Variants in GRM3 observed in about 807,000 individuals in gnomAD.
GRM3 encodes glutamate metabotropic receptor 3, also known as metabotropic glutamate receptor 3.
GRM3 carries 26 observed loss-of-function variants against 70.5 expected under a neutral mutation model. The observed-to-expected ratio is 0.37, with a 90% CI of 0.27 to 0.51. The LOEUF (loss-of-function observed/expected upper bound fraction) is 0.51. Among genes scored for constraint, GRM3 ranks in the 20% least tolerant of loss-of-function variants. The probability of loss-of-function intolerance (pLI) is 0.93; values close to 1 mark genes in which losing one functional copy is unlikely to be tolerated. For missense variants in GRM3, 859 were observed against 1,123.8 expected, an observed-to-expected ratio of 0.76 and a Z score of 3.37; for synonymous variants, 443 against 434.9, an observed-to-expected ratio of 1.02 and a Z score of -0.23.
chr7:86,844,018 A>G (rs954468552), intron 4 of GRM3, among the ~76,000 whole-genome samples: 43 of 152,282 alleles, frequency 2.8e-4, no homozygotes, highest in Middle Eastern at 3.4e-3. Flanking sequence ...AGATGCTACT[A>G]GACTAAGGAC....
At chr7:86,693,748 T>C (rs955134295) in intron 1 of GRM3, among the ~76,000 whole-genome samples, 4 of 152,206 alleles carry the variant, frequency 2.6e-5, no homozygotes, top group African/African-American at 9.7e-5. Context: ...GCCGCTGTTA[T>C]AGAAACTCAA....
Position 86,722,223 on chromosome 7 carries a change from A to G in GRM3, c.-140-42783A>G, listed in dbSNP as rs188390798. Among the ~76,000 whole-genome samples, 234 of 152,166 alleles carry G rather than the reference A, an allele frequency of 1.5e-3. 2 individuals carry two copies. Among genetic ancestry groups the G allele is most frequent in the African/African-American group, 5.3e-3 (222 of 41,528 alleles). Reference sequence around the variant, plus strand: ...GAAAACTTTTTTTAAAAATTGAAATACCATTTGACCCAGCAATCCCATTAC... The same window carrying G: ...GAAAACTTTTTTTAAAAATTGAAATGCCATTTGACCCAGCAATCCCATTAC... On this transcript the variant is annotated intron_variant, in intron 1 of 5. Coordinates refer to ENST00000361669, the MANE Select transcript of GRM3 (RefSeq NM_000840.3).
chr7:86,818,293 G>A (rs1375612914), intron 3 of GRM3, among the ~76,000 whole-genome samples: 1 of 152,044 alleles, frequency 6.6e-6, no homozygotes, highest in East Asian at 1.9e-4. Flanking sequence ...ATGTGATAAT[G>A]ACTATAGTAC....
chr7:86,739,519 C>T (rs1795937803), intron 1 of GRM3, among the ~76,000 whole-genome samples: 1 of 152,162 alleles, frequency 6.6e-6, no homozygotes, highest in Non-Finnish European at 1.5e-5. Flanking sequence ...ACGGCCTTAC[C>T]TCTACCTGAA....
At chr7:86,741,564 G>A (rs1274047765) in intron 1 of GRM3, among the ~76,000 whole-genome samples, 1 of 152,174 alleles carries the variant, frequency 6.6e-6, no homozygotes, top group African/African-American at 2.4e-5. Flanking sequence ...GAAGAGCTGA[G>A]TGCCAGTTTC....
At chr7:86,797,573 G>A (rs1390991540) in intron 3 of GRM3, among the ~76,000 whole-genome samples, 1 of 152,144 alleles carries the variant, frequency 6.6e-6, no homozygotes, top group Non-Finnish European at 1.5e-5. Flanking sequence ...TATTGGAATT[G>A]GAACTTATGT....
At chr7:86,805,518 C>T (rs954664741) in intron 3 of GRM3, among the ~76,000 whole-genome samples, 2 of 152,140 alleles carry the variant, frequency 1.3e-5, no homozygotes, top group Non-Finnish European at 2.9e-5. Context: ...TGTAAAATAA[C>T]ATCCATTCAG....
chr7:86,666,141 G>A (rs1794020281), intron 1 of GRM3, among the ~76,000 whole-genome samples: 1 of 151,956 alleles, frequency 6.6e-6, no homozygotes, highest in South Asian at 2.1e-4. Flanking sequence ...ATCCTTTAGA[G>A]GTTTTAAGCT....
chr7:86,823,652 G>T, intron 3 of GRM3, among the ~76,000 whole-genome samples: 1 of 135,172 alleles, frequency 7.4e-6, no homozygotes, highest in Non-Finnish European at 1.5e-5. Flanking sequence ...ATAGGATTTA[G>T]TGCCCAAATC....
At chr7:86,753,033 A>G (rs1796265938) in intron 1 of GRM3, among the ~76,000 whole-genome samples, 1 of 152,046 alleles carries the variant, frequency 6.6e-6, no homozygotes, top group Non-Finnish European at 1.5e-5. Context: ...ACACTAAACA[A>G]TTCAGAATTT....
chr7:86,651,790 C>T (rs573434884), intron 1 of GRM3, among the ~76,000 whole-genome samples: 19 of 152,232 alleles, frequency 1.2e-4, no homozygotes, highest in East Asian at 5.8e-4. Context: ...TTGTTCAAGA[C>T]GTCCCCTTGA....
At chr7:86,817,313 C>A (rs1260045528) in intron 3 of GRM3, among the ~76,000 whole-genome samples, 1 of 151,868 alleles carries the variant, frequency 6.6e-6, no homozygotes, top group African/African-American at 2.4e-5. Flanking sequence ...AGCAAAAACA[C>A]CATTATCATC....
At chr7:86,842,902 T>A (rs1430391709) in intron 4 of GRM3, among the ~76,000 whole-genome samples, 5 of 152,102 alleles carry the variant, frequency 3.3e-5, no homozygotes, top group African/African-American at 1.2e-4. Context: ...GAAGATGGGA[T>A]TTTTACCCCG....
chr7:86,724,513 TA>T (rs1795547247), intron 1 of GRM3, among the ~76,000 whole-genome samples: 1 of 152,102 alleles, frequency 6.6e-6, no homozygotes, highest in Non-Finnish European at 1.5e-5. Context: ...TTTACAGTAA[TA>T]CGCTGGAGAA....
At chr7:86,742,227 C>T (rs1462294484) in intron 1 of GRM3, among the ~76,000 whole-genome samples, 2 of 152,236 alleles carry the variant, frequency 1.3e-5, no homozygotes, top group Admixed American at 6.6e-5. Flanking sequence ...CAAAGGTGAA[C>T]ATCTTTAGAA....
At chr7:86,790,258 T>A (rs1432331247) in intron 3 of GRM3, among the ~76,000 whole-genome samples, 1 of 152,110 alleles carries the variant, frequency 6.6e-6, no homozygotes, top group Non-Finnish European at 1.5e-5. Context: ...TGCCCCTTCT[T>A]ATGCCCATAT....
chr7:86,678,838 T>C (rs566142582), intron 1 of GRM3, among the ~76,000 whole-genome samples: 1 of 152,152 alleles, frequency 6.6e-6, no homozygotes, highest in South Asian at 2.1e-4. Context: ...GTGTAAGGCA[T>C]TTCTGCTTTC....
At chr7:86,782,640 T>C (rs1797103215) in intron 2 of GRM3, among the ~76,000 whole-genome samples, 1 of 152,198 alleles carries the variant, frequency 6.6e-6, no homozygotes, top group Non-Finnish European at 1.5e-5. Flanking sequence ...ATCTTCTATG[T>C]TGTATATGGG....
intron 3 of GRM3, among the ~76,000 whole-genome samples, chr7:86,796,802 A>G (rs1003890563): frequency 3.9e-5 from 6 of 152,158 alleles, no homozygotes; most frequent in Admixed American, 1.3e-4. Flanking sequence ...ATCTTAAATT[A>G]TAGCTCTATA....
Sources: allele counts gnomAD v4.1 joint callset (sites outside exome capture counted in the v4.1 genomes callset), GRCh38; gene constraint gnomAD v4.1.1; transcripts MANE v1.5; gene names NCBI Gene and HGNC (gene_info 2026-07-23, HGNC 2026-07-21).